LITAF: variants seen among roughly 807,000 people sequenced by gnomAD.
The protein encoded by LITAF is lipopolysaccharide-induced tumor necrosis factor-alpha factor.
A neutral mutation model predicts 14.5 loss-of-function variants in LITAF; 9 were observed. That is an observed-to-expected ratio of 0.62 (90% confidence interval 0.37 to 1.08). The LOEUF (loss-of-function observed/expected upper bound fraction) is 1.08. LITAF is among the 50% of genes least tolerant of loss of function. The pLI is 0.01. For synonymous variants in LITAF, 98 were observed against 88.2 expected (o/e 1.11, Z -0.62); for missense variants, 206 against 213.4 (o/e 0.97, Z 0.22).
rs757584984 is a variant in LITAF at position 11,634,386 on chromosome 16, T to C, written c.-20-749A>G. 8.5e-5 allele frequency among the ~76,000 whole-genome samples: 13 copies of C among 152,144 alleles called. No individual in the cohort carries two copies. The highest frequency in any genetic ancestry group is 1.8e-4 in the Non-Finnish European group (12 of 68,030). On this transcript the variant is annotated intron_variant, in intron 2 of 3. Transcript: ENST00000574848. This position sits in a 1 kb window ranked among gnomAD's most constrained non-coding sequence, Gnocchi z 4.1. ...CAAAACTCAACCGCCTTTGTGAAGG[T>C]AACAAAAGGCCACCAGGTTACGAAG... is the stretch of plus-strand genomic sequence containing the variant.
intron 1 of LITAF, among the ~76,000 whole-genome samples, chr16:11,596,191 G>A (rs774330372): frequency 5.9e-5 from 9 of 152,042 alleles, no homozygotes; most frequent in South Asian, 2.1e-4. Context: ...TCTTCACCAC[G>A]GCCAGGAGAA....
chr16:11,626,742 G>A (rs1380328566), intron 3 of LITAF, among the ~76,000 whole-genome samples: 1 of 152,206 alleles, frequency 6.6e-6, no homozygotes, highest in Non-Finnish European at 1.5e-5. Context: ...AAAGTGCTAG[G>A]ATTACAGGCG....
In LITAF at chr16:11,610,463, A is replaced by G. The variant is rs540969660; in HGVS notation, c.85+23070T>C. ...CCCAGCCTGCACGCTGGGCAGTGGG[A>G]AGGGAGTGGAGAGTCCCTCCAGCAG... On this transcript the variant is annotated intron_variant, in intron 3 of 3. Coordinates refer to the LITAF transcript ENST00000574848. Among the ~76,000 whole-genome samples, 358 of 152,262 alleles carry G rather than the reference A, an allele frequency of 2.4e-3. 4 individuals carry two copies. Among genetic ancestry groups the G allele is most frequent in the African/African-American group, 8.3e-3 (344 of 41,556 alleles).
intron 1 of LITAF, among the ~76,000 whole-genome samples, chr16:11,580,546 G>A (rs189417870): frequency 2.0e-4 from 31 of 151,926 alleles, no homozygotes; most frequent in African/African-American, 6.5e-4. Context: ...GTGAGCCACC[G>A]TGCCTGGCTG....
At chr16:11,628,506 A>AT (rs1172095876) in intron 3 of LITAF, among the ~76,000 whole-genome samples, 1 of 151,988 alleles carries the variant, frequency 6.6e-6, no homozygotes, top group Non-Finnish European at 1.5e-5. Context: ...CTATTTTTTT[A>AT]TTTTTTTGTT....
intron 3 of LITAF, among the ~76,000 whole-genome samples, chr16:11,622,554 C>T (rs1349209547): frequency 6.6e-6 from 1 of 152,192 alleles, no homozygotes; most frequent in Non-Finnish European, 1.5e-5. Flanking sequence ...CTACACAACC[C>T]CCTTCTTTCC....
At chr16:11,598,482 A>C (rs1192003182) in exon 1 of LITAF, 1 of 152,180 alleles carries the variant, frequency 6.6e-6, no homozygotes, top group Non-Finnish European at 1.5e-5. Flanking sequence ...GCGGTGGCTC[A>C]AGGCGGGTTT....
chr16:11,560,596 A>G (rs1208992097), intron 1 of LITAF, among the ~76,000 whole-genome samples: 1 of 151,812 alleles, frequency 6.6e-6, no homozygotes, highest in Non-Finnish European at 1.5e-5. Context: ...AAAAAAAAAA[A>G]TGTAGCTACT....
upstream of LITAF, among the ~76,000 whole-genome samples, chr16:11,638,701 CAAAAAAAAAAAAAAAAAAAAAAA>C (rs57170972): frequency 0.4 from 30,149 of 75,754 alleles, 3,835 homozygotes; most frequent in Non-Finnish European, 0.47. Context: ...GACTCTGTCT[CAAAAAAAAAAAAAAAAAAAAAAA>C]AAAAAAAAAA....
At chr16:11,622,260 G>A (rs535189347) in intron 3 of LITAF, among the ~76,000 whole-genome samples, 1 of 152,324 alleles carries the variant, frequency 6.6e-6, no homozygotes, top group African/African-American at 2.4e-5. Context: ...GGCCACCCTC[G>A]GGCTGTCAAG....
intron 1 of LITAF, among the ~76,000 whole-genome samples, chr16:11,597,589 C>A (rs953893110): frequency 5.3e-5 from 8 of 152,190 alleles, no homozygotes; most frequent in African/African-American, 1.9e-4. Flanking sequence ...CTGTCTGGCT[C>A]TACGTCCATG....
At chr16:11,614,187 TCA>T (rs2065002287) in intron 3 of LITAF, among the ~76,000 whole-genome samples, 1 of 152,162 alleles carries the variant, frequency 6.6e-6, no homozygotes, top group Admixed American at 6.6e-5. Context: ...AAACTGATTG[TCA>T]CAGTTCTGGA....
At chr16:11,552,193 C>T (rs2064192112) in intron 3 of LITAF, among the ~76,000 whole-genome samples, 2 of 152,144 alleles carry the variant, frequency 1.3e-5, no homozygotes, top group Non-Finnish European at 1.5e-5. Flanking sequence ...TCACAAACAC[C>T]GTTTCCTTCA....
chr16:11,554,787 CAAAAAAAAAAAAA>C (rs56346206), intron 2 of LITAF, among the ~76,000 whole-genome samples: 1 of 64,490 alleles, frequency 1.6e-5, no homozygotes, highest in South Asian at 5.8e-4. Flanking sequence ...GACTCTACCT[CAAAAAAAAAAAAA>C]AAAAAAAAAA....
At chr16:11,615,491 C>G (rs1334535910) in intron 3 of LITAF, among the ~76,000 whole-genome samples, 1 of 150,294 alleles carries the variant, frequency 6.7e-6, no homozygotes, top group Non-Finnish European at 1.5e-5. Context: ...GAGCCGAGAT[C>G]ACACCATTGC....
intron 3 of LITAF, among the ~76,000 whole-genome samples, chr16:11,610,545 G>C (rs1230754036): frequency 6.6e-6 from 1 of 152,138 alleles, no homozygotes; most frequent in Non-Finnish European, 1.5e-5. Flanking sequence ...CAGCTCAGTT[G>C]TCTTCAGACA....
intron 3 of LITAF, among the ~76,000 whole-genome samples, chr16:11,609,026 C>T (rs2064968881): frequency 6.6e-6 from 1 of 151,464 alleles, no homozygotes; most frequent in Non-Finnish European, 1.5e-5. Context: ...GTGAAATGTC[C>T]AGAACAGGCA....
intron 1 of LITAF, among the ~76,000 whole-genome samples, chr16:11,569,623 C>T (rs182888364): frequency 7.0e-4 from 106 of 152,204 alleles, no homozygotes; most frequent in Middle Eastern, 3.4e-3. Flanking sequence ...GTAGGAATGG[C>T]GTGGACTACG....
intron 1 of LITAF, among the ~76,000 whole-genome samples, chr16:11,595,204 G>C (rs964561630): frequency 6.6e-6 from 1 of 152,158 alleles, no homozygotes; most frequent in African/African-American, 2.4e-5. Flanking sequence ...CCTCAAAAAA[G>C]GTCCATGCAG....
Sources: gnomAD v4.1 joint callset for allele counts (sites outside exome capture counted in the v4.1 genomes callset) on GRCh38, gnomAD v4.1.1 for gene constraint, Gnocchi (gnomAD v3.1) non-coding constraint, MANE v1.5 for transcripts, NCBI Gene and HGNC (gene_info 2026-07-23, HGNC 2026-07-21) for gene names.